Variants in EPHA3 observed in about 807,000 individuals in gnomAD.
EPHA3 encodes EPH receptor A3.
In EPHA3, 42 loss-of-function variants were observed where a neutral mutation model predicts 107.1. The observed-to-expected ratio is 0.39, with a 90% CI of 0.31 to 0.51. EPHA3 has a LOEUF of 0.51. Among genes scored for constraint, EPHA3 ranks in the 20% least tolerant of loss-of-function variants. EPHA3 has a pLI of 0.78. For missense variants in EPHA3, 1,183 were observed against 1,211.2 expected, an observed-to-expected ratio of 0.98 and a Z score of 0.35; for synonymous variants, 461 against 424.8, an observed-to-expected ratio of 1.09 and a Z score of -1.05.
chr3:89,244,301 T>G (rs1271035551), intron 3 of EPHA3, among the ~76,000 whole-genome samples: 2 of 152,076 alleles, frequency 1.3e-5, no homozygotes, highest in Non-Finnish European at 2.9e-5. Flanking sequence ...TTATATTTTG[T>G]TTATGTTGCT....
At chr3:89,232,950 G>A (rs1160615359) in intron 3 of EPHA3, among the ~76,000 whole-genome samples, 3 of 152,028 alleles carry the variant, frequency 2.0e-5, no homozygotes, top group Admixed American at 6.6e-5. Context: ...TCATGAATAA[G>A]CAGTTTCCTT....
At chr3:89,245,349 A>G (rs1705006171) in intron 3 of EPHA3, among the ~76,000 whole-genome samples, 1 of 152,200 alleles carries the variant, frequency 6.6e-6, no homozygotes, top group Admixed American at 6.5e-5. Flanking sequence ...TATATCAGTG[A>G]TTTGTTTTTC....
Position 89,182,800 on chromosome 3 carries a change from C to T in EPHA3, c.154-27060C>T, listed in dbSNP as rs140206202. 9.6e-3 allele frequency among the ~76,000 whole-genome samples: 1,464 copies of T among 151,870 alleles called. 12 individuals are homozygous for T. Among genetic ancestry groups the T allele is most frequent in the East Asian group, 0.027 (142 of 5,172 alleles). On this transcript the variant is annotated intron_variant, in intron 2 of 16. Coordinates refer to ENST00000336596, the MANE Select transcript of EPHA3 (RefSeq NM_005233.6). ...TGTCAGGGAACTATGATGTCTCTCA[C>T]ACTCCTTTGAAAGAGAACATTAAAA...
chr3:89,274,261 G>T (rs1366806821), intron 3 of EPHA3, among the ~76,000 whole-genome samples: 4 of 151,858 alleles, frequency 2.6e-5, no homozygotes, highest in Admixed American at 6.6e-5. Context: ...TGTTTTGTAT[G>T]CTGTGCTTTA....
At chr3:89,472,326 C>A in intron 15 of EPHA3, 138 bp from the exon 16 acceptor site, 1 of 932,198 alleles carries the variant, frequency 1.1e-6, no homozygotes, top group Non-Finnish European at 1.6e-6. Context: ...ATGAAGCTTT[C>A]ATGGCAGATA....
At chr3:89,322,124 A>T (rs1030178178) in intron 3 of EPHA3, among the ~76,000 whole-genome samples, 9 of 151,700 alleles carry the variant, frequency 5.9e-5, no homozygotes, top group African/African-American at 2.2e-4. Context: ...ACACACACAG[A>T]GGGGGGTTGG....
chr3:89,326,790 G>A (rs1445648707), intron 3 of EPHA3, among the ~76,000 whole-genome samples: 1 of 151,900 alleles, frequency 6.6e-6, no homozygotes. Flanking sequence ...TCTGTATTTA[G>A]CACCTAATGA....
rs919075443 is a variant in EPHA3 at position 89,264,547 on chromosome 3, T to C, written c.814+54027T>C. The stretch of plus-strand genomic sequence containing the variant: ...TATTCTAATGTAGATGAGTTCTCTT[T>C]TTATAAATTATCATATAAACGTTCA... On this transcript the variant is annotated intron_variant, in intron 3 of 16. Coordinates refer to ENST00000336596, the MANE Select transcript of EPHA3 (RefSeq NM_005233.6). Among the ~76,000 whole-genome samples, 60 of 152,182 alleles carry C rather than the reference T, an allele frequency of 3.9e-4. 1 individual carries two copies. Among genetic ancestry groups the C allele is most frequent in the Non-Finnish European group, 1.6e-4 (11 of 68,036 alleles).
At chr3:89,319,826 A>G (rs1707001654) in intron 3 of EPHA3, among the ~76,000 whole-genome samples, 2 of 152,016 alleles carry the variant, frequency 1.3e-5, no homozygotes, top group African/African-American at 4.8e-5. Flanking sequence ...TTTTCAGTAG[A>G]GGCTCATGGT....
chr3:89,190,444 T>C (rs1182614157), intron 2 of EPHA3, among the ~76,000 whole-genome samples: 1 of 152,196 alleles, frequency 6.6e-6, no homozygotes, highest in Non-Finnish European at 1.5e-5. Context: ...TATTTTAATA[T>C]TAAACATTTA....
chr3:89,216,699 A>C (rs1203978651), intron 3 of EPHA3, among the ~76,000 whole-genome samples: 1 of 150,646 alleles, frequency 6.6e-6, no homozygotes, highest in Non-Finnish European at 1.5e-5. Flanking sequence ...TTTTGTAAAG[A>C]ACATTCATCT....
In EPHA3 at chr3:89,472,433, C is replaced by T. The variant is rs372656816; in HGVS notation, c.2691-31C>T. On this transcript the variant is annotated intron_variant, in intron 15 of 16. Coordinates refer to ENST00000336596, the MANE Select transcript of EPHA3 (RefSeq NM_005233.6). ...CACAGCAACTCTGCTGACTCCTGAT[C>T]TGTCTCCCTTTGGTGTTTTTTTTCT... The T allele has an allele frequency of 1.4e-4, 222 of 1,603,668 alleles. 1 individual carries two copies. Among genetic ancestry groups the T allele is most frequent in the Non-Finnish European group, 1.8e-4 (213 of 1,174,650 alleles).
intron 2 of EPHA3, among the ~76,000 whole-genome samples, chr3:89,149,941 G>C (rs1271749027): frequency 4.0e-4 from 61 of 151,862 alleles, no homozygotes; most frequent in Non-Finnish European, 1.9e-4. Flanking sequence ...TTTAGTGAGA[G>C]TTTGCAAGTA....
intron 15 of EPHA3, among the ~76,000 whole-genome samples, chr3:89,467,094 C>G (rs939526236): frequency 2.0e-5 from 3 of 151,950 alleles, no homozygotes; most frequent in Non-Finnish European, 4.4e-5. Context: ...TTCATTTTAT[C>G]GTATCTGGAT....
intron 3 of EPHA3, among the ~76,000 whole-genome samples, chr3:89,309,160 TG>T (rs1205030809): frequency 1.3e-5 from 2 of 152,244 alleles, no homozygotes; most frequent in African/African-American, 4.8e-5. Context: ...AGATTATTTT[TG>T]ACAGTATCCA....
intron 5 of EPHA3, among the ~76,000 whole-genome samples, chr3:89,377,175 T>C (rs1377665136): frequency 3.9e-5 from 6 of 152,220 alleles, no homozygotes; most frequent in African/African-American, 1.4e-4. Flanking sequence ...TAAAATCTAG[T>C]GGTGAATTAC....
chr3:89,308,598 G>T (rs1454927431), intron 3 of EPHA3, among the ~76,000 whole-genome samples: 3 of 126,258 alleles, frequency 2.4e-5, no homozygotes, highest in African/African-American at 5.3e-5. Flanking sequence ...CTACAGCCAA[G>T]GGAATTTTTT....
At chr3:89,452,263 T>C (rs1223161579) in intron 15 of EPHA3, among the ~76,000 whole-genome samples, 1 of 152,116 alleles carries the variant, frequency 6.6e-6, no homozygotes, top group Non-Finnish European at 1.5e-5. Flanking sequence ...CTATTTTTAG[T>C]TTTTTGTGGA....
At chr3:89,459,491 C>CTCCTTCCTTCTCTCCTTCCTTCCT (rs1710173773) in intron 15 of EPHA3, among the ~76,000 whole-genome samples, 41 of 126,380 alleles carry the variant, frequency 3.2e-4, no homozygotes, top group African/African-American at 1.3e-3. Context: ...CCTTCCTTCT[C>CTCCTTCCTTCTCTCCTTCCTTCCT]TCCTTCCTTC....
Sources: allele counts gnomAD v4.1 joint callset (sites outside exome capture counted in the v4.1 genomes callset), GRCh38; gene constraint gnomAD v4.1.1; transcripts MANE v1.5; gene names NCBI Gene and HGNC (gene_info 2026-07-23, HGNC 2026-07-21).